Variants in PIGK observed in about 807,000 individuals in gnomAD.
PIGK encodes GPI-anchor transamidase.
In PIGK, 42 loss-of-function variants were observed where a neutral mutation model predicts 50.6. That is an observed-to-expected ratio of 0.83 (90% CI 0.65 to 1.07). PIGK has a LOEUF of 1.07. Among genes scored for constraint, PIGK ranks in the 50% least tolerant of loss-of-function variants. PIGK has a pLI of 0.00. For missense variants in PIGK, 448 were observed against 488.7 expected (o/e 0.92, Z 0.78); for synonymous variants, 151 against 156.0 (o/e 0.97, Z 0.24).
intron 3 of PIGK, 138 bp from the exon 4 acceptor site, chr1:77,169,533 A>C (rs143926407): frequency 2.6e-5 from 15 of 579,746 alleles, no homozygotes; most frequent in Non-Finnish European, 2.3e-5. Context: ...GTTGAAGGCA[A>C]TTTAATTATT....
In PIGK at chr1:77,166,640, T is replaced by G. The variant is rs1361431991; in HGVS notation, c.487+79A>C. ...TTTAACCAAAAATCATTTCACGTGT[T>G]TAAATTTCTTTCCATTTGCCTTTCT... On this transcript the variant is annotated intron_variant, in intron 5 of 10. Transcript: ENST00000370812. 3.2e-5 allele frequency: 22 copies of G among 678,946 alleles called. No homozygotes were observed. The East Asian group carries it at 6.1e-4, about 19-fold the overall frequency. The allele number at this position is 678,946 out of a possible 1,614,324, so 42.1% of individuals were successfully genotyped here. A position where few individuals can be genotyped will look rare whatever the true frequency, so the allele number is the denominator to read the frequency against.
chr1:77,168,351 C>T (rs1411376117), intron 4 of PIGK, among the ~76,000 whole-genome samples: 5 of 152,136 alleles, frequency 3.3e-5, no homozygotes, highest in African/African-American at 1.2e-4. Context: ...CACATTTGTG[C>T]GTGTGTAAAC....
At chr1:77,176,599 G>A (rs1055995199) in intron 3 of PIGK, among the ~76,000 whole-genome samples, 1 of 152,124 alleles carries the variant, frequency 6.6e-6, no homozygotes, top group Non-Finnish European at 1.5e-5. Context: ...AACTTGACAA[G>A]CACACAAAAT....
At chr1:77,176,584 C>T (rs1347222534) in intron 3 of PIGK, among the ~76,000 whole-genome samples, 2 of 152,106 alleles carry the variant, frequency 1.3e-5, no homozygotes, top group African/African-American at 4.8e-5. Context: ...CCTGCAGTTT[C>T]TCAAAACTTG....
intron 3 of PIGK, among the ~76,000 whole-genome samples, chr1:77,173,349 T>C (rs1655409350): frequency 6.6e-6 from 1 of 152,206 alleles, no homozygotes; most frequent in South Asian, 2.1e-4. Context: ...CTGGCCAGAA[T>C]GGAAAATATT....
intron 8 of PIGK, 52 bp downstream of exon 8, chr1:77,161,243 A>G: frequency 1.2e-6 from 1 of 865,758 alleles, no homozygotes; most frequent in Non-Finnish European, 2.0e-6. Flanking sequence ...ACTTCTTTTC[A>G]CATTAAGGTT....
intron 10 of PIGK, among the ~76,000 whole-genome samples, chr1:77,121,628 G>C (rs139266806): frequency 6.6e-6 from 1 of 152,230 alleles, no homozygotes; most frequent in East Asian, 1.9e-4. Flanking sequence ...TCTCTGCTAG[G>C]TCTAAAGGCT....
chr1:77,113,756 T>TA (rs979462607), intron 10 of PIGK, among the ~76,000 whole-genome samples: 1 of 152,162 alleles, frequency 6.6e-6, no homozygotes, highest in Non-Finnish European at 1.5e-5. Context: ...TTGCACTACT[T>TA]AAACTACATG....
chr1:77,200,595 T>G (rs924955760), intron 3 of PIGK, among the ~76,000 whole-genome samples: 1 of 152,124 alleles, frequency 6.6e-6, no homozygotes, highest in East Asian at 1.9e-4. Context: ...TGTAGTAATA[T>G]CTATAGATTG....
At chr1:77,119,207 C>T (rs1321581886) in intron 10 of PIGK, among the ~76,000 whole-genome samples, 3 of 152,112 alleles carry the variant, frequency 2.0e-5, no homozygotes, top group Non-Finnish European at 1.5e-5. Context: ...AAAAGAAAAA[C>T]TTGTTTCTAC....
chr1:77,110,536 C>G (rs1388169762), intron 10 of PIGK, among the ~76,000 whole-genome samples: 2 of 152,096 alleles, frequency 1.3e-5, no homozygotes, highest in Non-Finnish European at 2.9e-5. Flanking sequence ...ATAAATGGTG[C>G]TGGGAAAACT....
At position 77,173,522 on chromosome 1, in the gene PIGK, C is replaced by T. The variant is rs985721564; in HGVS notation, c.240-4127G>A. ...TACTCAGGGAAGGGGAACCCAGAAACCTGACAAGCCAGCAAAAGGGCAAGA... is the reference window on the plus strand; with the variant it reads ...TACTCAGGGAAGGGGAACCCAGAAATCTGACAAGCCAGCAAAAGGGCAAGA... On this transcript the variant is annotated intron_variant, in intron 3 of 10. Coordinates refer to ENST00000370812, the MANE Select transcript of PIGK (RefSeq NM_005482.3). 4.6e-5 allele frequency among the ~76,000 whole-genome samples: 7 copies of T among 152,252 alleles called. No individual in the cohort carries two copies. The East Asian group carries it at 9.7e-4, about 21-fold the overall frequency.
intron 9 of PIGK, among the ~76,000 whole-genome samples, chr1:77,138,341 T>C (rs1654569037): frequency 6.6e-6 from 1 of 152,194 alleles, no homozygotes; most frequent in South Asian, 2.1e-4. Flanking sequence ...CAAACAGCCA[T>C]ACTGTGAACT....
chr1:77,129,318 A>G (rs775818078), intron 9 of PIGK: 1 of 1,593,170 alleles, frequency 6.3e-7, no homozygotes, highest in South Asian at 1.1e-5. Flanking sequence ...TGGAGTTGGC[A>G]GGTGTGCGCA....
In PIGK at chr1:77,122,352, C is replaced by T. The variant is rs958235425; in HGVS notation, c.994G>A (p.Glu332Lys). 1 of 1,583,478 alleles carries T rather than the reference C, an allele frequency of 6.3e-7. No individual in the cohort carries two copies. The highest frequency in any genetic ancestry group is 8.7e-7 in the Non-Finnish European group (1 of 1,153,390). The change falls in exon 10 of 11, where the codon GAA becomes AAA. Residue 332 changes from glutamate to lysine, a missense_variant. By Grantham distance (56) the Glu-to-Lys change is moderately conservative (BLOSUM62 1). Transcript: ENST00000370812. ...DSEIMESSYK[E>K]DQMDEKLMEP... ...ATTAGTTTCTCATCCATCTGGTCTT[C>T]CTTATAGCTGGAAAAGATAATTTAA...
chr1:77,129,031 G>T, intron 9 of PIGK: 1 of 756,066 alleles, frequency 1.3e-6, no homozygotes, highest in South Asian at 1.4e-5. Context: ...TTACAACTGA[G>T]ACCATATGGC....
intron 10 of PIGK, among the ~76,000 whole-genome samples, chr1:77,116,312 T>C (rs2100523759): frequency 6.6e-6 from 1 of 152,062 alleles, no homozygotes; most frequent in East Asian, 1.9e-4. Flanking sequence ...GCCTCCCAAG[T>C]AGCTGGGACT....
chr1:77,185,635 G>A (rs1655722559), intron 3 of PIGK, among the ~76,000 whole-genome samples: 1 of 152,180 alleles, frequency 6.6e-6, no homozygotes, highest in South Asian at 2.1e-4. Context: ...CATTTATTGA[G>A]TGACCTGAAA....
chr1:77,129,982 T>C (rs1654330968), intron 9 of PIGK, among the ~76,000 whole-genome samples: 1 of 151,914 alleles, frequency 6.6e-6, no homozygotes, highest in Admixed American at 6.5e-5. Flanking sequence ...TTAATGTCCA[T>C]TTCCCTTCTA....
Sources: allele counts gnomAD v4.1 joint callset (sites outside exome capture counted in the v4.1 genomes callset), GRCh38; gene constraint gnomAD v4.1.1; transcripts MANE v1.5; gene names NCBI Gene and HGNC (gene_info 2026-07-23, HGNC 2026-07-21).